ECH1: variants seen among roughly 807,000 people sequenced by gnomAD.
ECH1 encodes the protein delta(3,5)-Delta(2,4)-dienoyl-CoA isomerase, mitochondrial.
Under a neutral mutation model 37.0 loss-of-function variants are expected in ECH1, and 30 were observed. The ratio of observed to expected loss-of-function variants is 0.81; its 90% confidence interval spans 0.61 to 1.10. The LOEUF (loss-of-function observed/expected upper bound fraction) is 1.10. Ranked by LOEUF, ECH1 falls within the 50% of genes least tolerant of loss-of-function variation. The pLI, the probability that ECH1 is intolerant of heterozygous loss-of-function variation, is 0.00. For synonymous variants in ECH1, 178 were observed against 176.0 expected (o/e 1.01, Z -0.09); for missense variants, 456 against 441.6 (o/e 1.03, Z -0.29).
chr19:38,817,036 C>G (rs1191869570), intron 6 of ECH1, 29 bp downstream of exon 6: 2 of 1,557,072 alleles, frequency 1.3e-6, no homozygotes, highest in East Asian at 4.9e-5. Flanking sequence ...CTGCCCAGCT[C>G]TAAGCAGGAG....
At chr19:38,821,289 CAG>C (rs1971657678) in intron 3 of ECH1, among the ~76,000 whole-genome samples, 1 of 152,042 alleles carries the variant, frequency 6.6e-6, no homozygotes. Flanking sequence ...GCCTGGGTGA[CAG>C]AGGGAGACCC....
At chr19:38,828,588 T>C (rs1242664818) in intron 3 of ECH1, among the ~76,000 whole-genome samples, 3 of 151,544 alleles carry the variant, frequency 2.0e-5, no homozygotes, top group African/African-American at 7.3e-5. Flanking sequence ...ACCCAGATGT[T>C]GAGATTAGAA....
chr19:38,831,745 T>C lies in ECH1; in HGVS notation c.28A>G (p.Arg10Gly), dbSNP rs747405167. Residue 10 changes from arginine (R) to glycine (G), a missense_variant, in exon 1 of 10, where the codon AGA becomes GGA. Physicochemically the swap from Arg to Gly is moderately radical, Grantham distance 125. Transcript: ENST00000221418. Reference protein sequence around the residue: MAAGIVASRRLRDLLTRRLT... With the variant: MAAGIVASRGLRDLLTRRLT... ...CGCCGGGTCAGTAGGTCGCGGAGTC[T>C]GCGAGAAGCCACTATCCCCGCCGCC... is the stretch of plus-strand genomic sequence containing the variant. 6.2e-7 allele frequency: 1 copy of C among 1,613,190 alleles called. No individual in the cohort carries two copies. The highest frequency in any genetic ancestry group is 8.5e-7 in the Non-Finnish European group (1 of 1,179,790).
chr19:38,830,762 C>T lies in ECH1; in HGVS notation c.349+316G>A, dbSNP rs555165475. 6.7e-5 allele frequency: 22 copies of T among 326,152 alleles called. 2 individuals are homozygous for T. Among genetic ancestry groups the T allele is most frequent in the South Asian group, 6.7e-4 (22 of 32,830 alleles). The allele number at this position is 326,152 out of a possible 1,614,324, so 20.2% of individuals were successfully genotyped here. On this transcript the variant is annotated intron_variant, in intron 3 of 9. Transcript: ENST00000221418. ...GGCTGAGGCAGGCAGATCATAACGTCAGGAGATGGAGACCATCCTGGCCAA... is the reference window on the plus strand; with the variant it reads ...GGCTGAGGCAGGCAGATCATAACGTTAGGAGATGGAGACCATCCTGGCCAA...
chr19:38,825,926 T>C (rs1207077676), intron 3 of ECH1, among the ~76,000 whole-genome samples: 2 of 152,178 alleles, frequency 1.3e-5, no homozygotes, highest in Non-Finnish European at 2.9e-5. Flanking sequence ...CCAGCTCATG[T>C]CATCACCCTC....
At chr19:38,819,491 T>C (rs1336709432) in intron 3 of ECH1, among the ~76,000 whole-genome samples, 1 of 151,936 alleles carries the variant, frequency 6.6e-6, no homozygotes, top group Non-Finnish European at 1.5e-5. Flanking sequence ...TGACTCCCTT[T>C]CTAGAATGTG....
chr19:38,828,256 A>G (rs1465834302), intron 3 of ECH1, among the ~76,000 whole-genome samples: 1 of 152,134 alleles, frequency 6.6e-6, no homozygotes. Context: ...TTTGAGACAG[A>G]GTCTCGCTCT....
chr19:38,830,666 A>AC (rs1398634372), intron 3 of ECH1, among the ~76,000 whole-genome samples: 17 of 151,936 alleles, frequency 1.1e-4, no homozygotes, highest in Middle Eastern at 3.4e-3. Context: ...AAAAAAAAAA[A>AC]ACACACAGAT....
rs1405453043 is a variant in ECH1 at position 38,818,159 on chromosome 19, G to A, written c.350-584C>T. On this transcript the variant is annotated intron_variant, in intron 3 of 9. Coordinates refer to ENST00000221418, the MANE Select transcript of ECH1 (RefSeq NM_001398.3). ...ACGTGTGAGCCACCATGCCGCATCAGAAGTAGGATTTTAAAATCTGGAACC... is the reference window on the plus strand; with the variant it reads ...ACGTGTGAGCCACCATGCCGCATCAAAAGTAGGATTTTAAAATCTGGAACC... 3.3e-6 allele frequency: 3 copies of A among 922,810 alleles called. No homozygotes were observed. The African/African-American group carries it at 5.4e-5, about 17-fold the overall frequency. The allele number at this position is 922,810 out of a possible 1,614,324, so 57.2% of individuals were successfully genotyped here. A position where few individuals can be genotyped will look rare whatever the true frequency, so the allele number is the denominator to read the frequency against.
Position 38,815,881 on chromosome 19 carries a change from C to G in ECH1, c.858G>C (p.Ser286=), listed in dbSNP as rs1168841570. ...CCACGTAGTTGAGGCTCTCGGCCAC[C>G]GAATGGTCGCGGGAATACAGCAGGT... The part of the protein sequence containing the change: ...KVNLLYSRDH[S]VAESLNYVAS... The change falls in exon 9 of 10, where the codon TCG becomes TCC. Residue 286 remains serine, a synonymous_variant. Transcript: ENST00000221418. 1.2e-6 allele frequency: 2 copies of G among 1,614,050 alleles called. No homozygotes were observed. Among genetic ancestry groups the G allele is most frequent in the East Asian group, 2.2e-5 (1 of 44,894 alleles).
chr19:38,827,034 G>C (rs1346831877), intron 3 of ECH1, among the ~76,000 whole-genome samples: 1 of 149,394 alleles, frequency 6.7e-6, no homozygotes, highest in Non-Finnish European at 1.5e-5. Flanking sequence ...AGGGAGGACA[G>C]GGAGGAGAGG....
chr19:38,829,929 G>A (rs986680670), intron 3 of ECH1, among the ~76,000 whole-genome samples: 1 of 152,152 alleles, frequency 6.6e-6, no homozygotes, highest in African/African-American at 2.4e-5. Flanking sequence ...CCCTAGGTGG[G>A]TGGATGACCT....
At chr19:38,820,628 T>C (rs891198833) in intron 3 of ECH1, 3 of 152,176 alleles carry the variant, frequency 2.0e-5, no homozygotes, top group Admixed American at 6.5e-5. Flanking sequence ...TGCTACATAA[T>C]TGTGGCCACC....
rs775089808 is a variant in ECH1 at position 38,816,292 on chromosome 19, C to A, written c.723G>T (p.Gly241=). The change falls in exon 8 of 10, where the codon GGG becomes GGT. Residue 241 remains glycine, a synonymous_variant. Coordinates refer to ENST00000221418, the MANE Select transcript of ECH1 (RefSeq NM_001398.3). The part of the protein sequence containing the change: ...KMMADEALGS[G]LVSRVFPDKE... ...CACGGCCATGGCCCTACCTGACCAG[C>A]CCACTGCCCAGGGCCTCGTCAGCCA... 26 of 1,613,272 alleles carry A rather than the reference C, an allele frequency of 1.6e-5. No homozygotes were observed. In the East Asian group the frequency reaches 5.8e-4, roughly 36 times the overall value.
intron 3 of ECH1, among the ~76,000 whole-genome samples, chr19:38,827,197 T>C (rs1022017854): frequency 6.6e-6 from 1 of 152,010 alleles, no homozygotes; most frequent in African/African-American, 2.4e-5. Context: ...AAGAAATAGT[T>C]TACTGTCTGT....
intron 3 of ECH1, among the ~76,000 whole-genome samples, chr19:38,825,083 T>G (rs1971719817): frequency 6.6e-6 from 1 of 152,198 alleles, no homozygotes; most frequent in Non-Finnish European, 1.5e-5. Context: ...CATGCTACTG[T>G]TAGATCAAAC....
intron 5 of ECH1, 43 bp downstream of exon 5, chr19:38,817,273 C>G: frequency 7.2e-6 from 11 of 1,530,216 alleles, no homozygotes; most frequent in Non-Finnish European, 9.7e-6. Flanking sequence ...AGCAGCAGCC[C>G]CACCTGGGGA....
At chr19:38,826,642 G>GT (rs1971742565) in intron 3 of ECH1, among the ~76,000 whole-genome samples, 1 of 152,100 alleles carries the variant, frequency 6.6e-6, no homozygotes, top group South Asian at 2.1e-4. Context: ...AGACCTCAAG[G>GT]ATGCCTTCTT....
Position 38,826,412 on chromosome 19 carries a change from A to G in ECH1, c.349+4666T>C, listed in dbSNP as rs1297856939. 2.0e-5 allele frequency among the ~76,000 whole-genome samples: 3 copies of G among 152,246 alleles called. No homozygotes were observed. The South Asian group carries it at 6.2e-4, about 32-fold the overall frequency. On this transcript the variant is annotated intron_variant, in intron 3 of 9. Coordinates refer to ENST00000221418, the MANE Select transcript of ECH1 (RefSeq NM_001398.3). ...AAGCCTGAAGCTCATAAACGATTAC[A>G]GAATATTGTTAAACATTTAAAAGCT...
Sources: gnomAD v4.1 joint callset for allele counts (sites outside exome capture counted in the v4.1 genomes callset) on GRCh38, gnomAD v4.1.1 for gene constraint, MANE v1.5 for transcripts, NCBI Gene and HGNC (gene_info 2026-07-23, HGNC 2026-07-21) for gene names.